Variants in DPH6 observed in about 807,000 individuals in gnomAD.
DPH6 encodes diphthamine biosynthesis 6, also known as diphthine--ammonia ligase.
A neutral mutation model predicts 38.2 loss-of-function variants in DPH6; 33 were observed. That is an observed-to-expected ratio of 0.86 (90% CI 0.65 to 1.15). DPH6 has a LOEUF of 1.15. Among genes scored for constraint, DPH6 ranks in the 50% most tolerant of loss-of-function variants. DPH6 has a pLI of 0.00. For synonymous variants in DPH6, 108 were observed against 103.0 expected (o/e 1.05, Z -0.30); for missense variants, 325 against 320.0 (o/e 1.02, Z -0.12).
the DPH6 span, among the ~76,000 whole-genome samples, chr15:35,207,487 T>A: frequency 6.6e-6 from 1 of 152,190 alleles, no homozygotes; most frequent in African/African-American, 2.4e-5. Flanking sequence ...TAATGGCTTA[T>A]TATGATATGT....
intron 3 of DPH6, among the ~76,000 whole-genome samples, chr15:35,487,893 A>G (rs1163161283): frequency 6.6e-6 from 1 of 152,212 alleles, no homozygotes; most frequent in East Asian, 1.9e-4. Flanking sequence ...AACACATATG[A>G]GCATACAATT....
At chr15:35,225,763 C>A (rs1429754429) in intron 3 of DPH6, among the ~76,000 whole-genome samples, 2 of 152,168 alleles carry the variant, frequency 1.3e-5, no homozygotes, top group Non-Finnish European at 2.9e-5. Context: ...ATTTACTTAT[C>A]TTTGAACTAA....
At chr15:35,194,116 T>G in the DPH6 span, among the ~76,000 whole-genome samples, 1 of 152,172 alleles carries the variant, frequency 6.6e-6, no homozygotes, top group South Asian at 2.1e-4. Context: ...CTCATTTACT[T>G]GTTAACAGAG....
In DPH6 at chr15:35,358,582, G is replaced by A. The variant is rs2052587512; in HGVS notation, n.207+14939C>T. Among the ~76,000 whole-genome samples, 3 of 152,308 alleles carry A rather than the reference G, an allele frequency of 2.0e-5. No homozygotes were observed. In the South Asian group the frequency reaches 6.2e-4, roughly 32 times the overall value. On this transcript the variant is annotated intron_variant and non_coding_transcript_variant, in intron 3 of 3. Coordinates refer to the DPH6 transcript ENST00000558973. ...CTTTTGTCCCATGGGGTGTTCCTTT[G>A]ATGTAGTACTCTCCCCTTTTTCCTA...
At position 35,371,188 on chromosome 15, in the gene DPH6, A is replaced by C. The variant is rs2140920073; in HGVS notation, c.*962T>G. 1 of 151,910 alleles carries C rather than the reference A, an allele frequency of 6.6e-6. No individual in the cohort carries two copies. The highest frequency in any genetic ancestry group is 2.4e-5 in the African/African-American group (1 of 41,502). The allele number at this position is 151,910 out of a possible 1,614,324, so 9.4% of individuals were successfully genotyped here. ...TACACAGTGAAAAGATCAGTTGCTAAGGGTTAAAGGAGAGGGAGGGATGAA... is the reference window on the plus strand; with the variant it reads ...TACACAGTGAAAAGATCAGTTGCTACGGGTTAAAGGAGAGGGAGGGATGAA... On this transcript the variant is annotated 3_prime_UTR_variant, in exon 9 of 9. Coordinates refer to ENST00000256538, the MANE Select transcript of DPH6 (RefSeq NM_080650.4).
At chr15:35,228,306 A>G (rs536423090) in intron 3 of DPH6, among the ~76,000 whole-genome samples, 1 of 152,204 alleles carries the variant, frequency 6.6e-6, no homozygotes, top group Admixed American at 6.5e-5. Context: ...TGTTGTAGTC[A>G]TTATTTTAGA....
intron 3 of DPH6, among the ~76,000 whole-genome samples, chr15:35,294,425 T>A (rs1379345074): frequency 6.6e-6 from 1 of 152,230 alleles, no homozygotes; most frequent in Non-Finnish European, 1.5e-5. Flanking sequence ...TTTGTAGTAT[T>A]GTCCTTTCAA....
chr15:35,469,942 A>C (rs142811698), intron 3 of DPH6, among the ~76,000 whole-genome samples: 138 of 152,342 alleles, frequency 9.1e-4, no homozygotes, highest in African/African-American at 3.1e-3. Context: ...TCACACCTGT[A>C]ATCACAGCAC....
chr15:35,237,580 A>G, intron 3 of DPH6: 1 of 1,577,574 alleles, frequency 6.3e-7, no homozygotes, highest in Non-Finnish European at 8.7e-7. Flanking sequence ...CATTGGCAGA[A>G]AAGTGTCCGA....
chr15:35,515,115 C>G (rs554514822), intron 3 of DPH6, among the ~76,000 whole-genome samples: 2 of 150,664 alleles, frequency 1.3e-5, no homozygotes, highest in South Asian at 2.1e-4. Flanking sequence ...AGAAAAATGC[C>G]TGAAACACAC....
intron 7 of DPH6, among the ~76,000 whole-genome samples, chr15:35,378,167 G>T (rs958678928): frequency 2.0e-5 from 3 of 152,072 alleles, no homozygotes; most frequent in Admixed American, 1.3e-4. Context: ...GTGGGCAAAG[G>T]ATATAAACAT....
At chr15:35,191,784 A>G in the DPH6 span, among the ~76,000 whole-genome samples, 6 of 150,416 alleles carry the variant, frequency 4.0e-5, no homozygotes, top group Non-Finnish European at 8.8e-5. Context: ...AGATCACCAC[A>G]TTCAGACAAT....
At chr15:35,511,128 AT>A (rs2054763935) in intron 3 of DPH6, among the ~76,000 whole-genome samples, 2 of 152,280 alleles carry the variant, frequency 1.3e-5, no homozygotes, top group South Asian at 4.1e-4. Context: ...CAGAACCTGA[AT>A]TTTTAATAAG....
At chr15:35,391,351 C>G (rs1007537086) in intron 6 of DPH6, among the ~76,000 whole-genome samples, 1 of 152,270 alleles carries the variant, frequency 6.6e-6, no homozygotes, top group Non-Finnish European at 1.5e-5. Flanking sequence ...CTGGGAGAAC[C>G]ACTACTCTCT....
intron 6 of DPH6, among the ~76,000 whole-genome samples, chr15:35,390,902 G>A (rs1349381156): frequency 5.3e-5 from 8 of 152,168 alleles, no homozygotes; most frequent in Non-Finnish European, 1.2e-4. Context: ...CATTCCTTTG[G>A]AGGAGGAGAG....
intron 3 of DPH6, among the ~76,000 whole-genome samples, chr15:35,472,029 C>T (rs16961052): frequency 0.079 from 11,964 of 152,194 alleles, 636 homozygotes; most frequent in African/African-American, 0.14. Context: ...CGTTGTGCTA[C>T]AATCGTGCCC....
At position 35,538,424 on chromosome 15, in the gene DPH6, C is replaced by A; in HGVS notation, c.162G>T (p.Gly54=). ...ELDSYMYQTV[G]HHAIDLYAEA... Reference sequence around the variant, plus strand: ...CTGCATACAAGTCAATGGCATGGTGCCCCACTGTCTGATACATGTAGCTAT... The same window carrying A: ...CTGCATACAAGTCAATGGCATGGTGACCCACTGTCTGATACATGTAGCTAT... The change falls in exon 3 of 9, where the codon GGG becomes GGT. Residue 54 remains glycine (G), a synonymous_variant. Transcript: ENST00000256538. 6.3e-7 allele frequency: 1 copy of A among 1,599,068 alleles called. No homozygotes were observed. The highest frequency in any genetic ancestry group is 1.3e-5 in the African/African-American group (1 of 74,836).
intron 3 of DPH6, among the ~76,000 whole-genome samples, chr15:35,504,869 T>C (rs2054674045): frequency 6.6e-6 from 1 of 152,072 alleles, no homozygotes; most frequent in Admixed American, 6.6e-5. Context: ...ACACAAGCAA[T>C]CTTTGAGGAA....
Position 35,493,870 on chromosome 15 carries a change from T to C in DPH6, c.313-39050A>G, listed in dbSNP as rs950094430. On this transcript the variant is annotated intron_variant, in intron 3 of 8. Transcript: ENST00000256538. ...GAAAACTAATTTTTGTTGCTCCTGC[T>C]GTATTTTTTGAGTCTGGGATAAAAA... Among the ~76,000 whole-genome samples, 63 of 152,146 alleles carry C rather than the reference T, an allele frequency of 4.1e-4. 5 individuals are homozygous for C. The highest frequency in any genetic ancestry group is 4.4e-5 in the Non-Finnish European group (3 of 68,000).
Sources: allele counts gnomAD v4.1 joint callset (sites outside exome capture counted in the v4.1 genomes callset), GRCh38; gene constraint gnomAD v4.1.1; transcripts MANE v1.5; gene names NCBI Gene and HGNC (gene_info 2026-07-23, HGNC 2026-07-21).